Variants in ARHGAP15 observed in about 807,000 individuals in gnomAD.
ARHGAP15 encodes the protein rho GTPase-activating protein 15.
Under a neutral mutation model 63.7 loss-of-function variants are expected in ARHGAP15, and 51 were observed. The ratio of observed to expected loss-of-function variants is 0.80; its 90% confidence interval spans 0.64 to 1.01. The LOEUF is 1.01. Ranked by LOEUF, ARHGAP15 falls within the 50% of genes least tolerant of loss-of-function variation. The probability of loss-of-function intolerance (pLI) is 0.00; values close to 1 mark genes in which losing one functional copy is unlikely to be tolerated. For missense variants in ARHGAP15, 560 were observed against 564.6 expected, an observed-to-expected ratio of 0.99 and a Z score of 0.08; for synonymous variants, 191 against 193.8, an observed-to-expected ratio of 0.99 and a Z score of 0.12.
At chr2:143,763,712 GTATGTATATGTATGTA>G (rs1328513652) in intron 13 of ARHGAP15, among the ~76,000 whole-genome samples, 396 of 141,580 alleles carry the variant, frequency 2.8e-3, no homozygotes, top group African/African-American at 6.4e-3. Flanking sequence ...ATGTATATGT[GTATGTATATGTATGTA>G]TATGTATATG....
At position 143,326,073 on chromosome 2, in the gene ARHGAP15, A is replaced by C. The variant is rs555727421; in HGVS notation, c.474+75473A>C. On this transcript the variant is annotated intron_variant, in intron 6 of 13. Coordinates refer to ENST00000295095, the MANE Select transcript of ARHGAP15 (RefSeq NM_018460.4). ...GTCTATTTCTAAACTTCCTTGTTTC[A>C]GATTGATCCTAAAATTGCTTACATG... Among the ~76,000 whole-genome samples, 9 of 152,298 alleles carry C rather than the reference A, an allele frequency of 5.9e-5. No homozygotes were observed. The South Asian group carries it at 1.9e-3, about 32-fold the overall frequency.
intron 2 of ARHGAP15, among the ~76,000 whole-genome samples, chr2:143,199,829 T>G (rs1465401107): frequency 6.6e-6 from 1 of 152,068 alleles, no homozygotes; most frequent in East Asian, 1.9e-4. Context: ...TTCCATCCAG[T>G]TACAGCATCA....
At chr2:143,510,586 A>G (rs1693540502) in intron 9 of ARHGAP15, among the ~76,000 whole-genome samples, 1 of 152,182 alleles carries the variant, frequency 6.6e-6, no homozygotes. Flanking sequence ...TCATAAATTC[A>G]TTGAATTCCT....
At chr2:143,448,015 G>C (rs1690227525) in intron 8 of ARHGAP15, among the ~76,000 whole-genome samples, 1 of 152,156 alleles carries the variant, frequency 6.6e-6, no homozygotes. Flanking sequence ...CCAGGGAAGA[G>C]AACATACCTA....
intron 13 of ARHGAP15, among the ~76,000 whole-genome samples, chr2:143,736,243 A>G (rs970078366): frequency 6.6e-6 from 1 of 152,066 alleles, no homozygotes; most frequent in Non-Finnish European, 1.5e-5. Flanking sequence ...ACTAAATACA[A>G]AAAATTAGCC....
At chr2:143,483,282 G>A (rs184654958) in intron 8 of ARHGAP15, among the ~76,000 whole-genome samples, 18 of 152,132 alleles carry the variant, frequency 1.2e-4, no homozygotes, top group East Asian at 7.7e-4. Context: ...AACTCATACC[G>A]TAATTATTTT....
intron 10 of ARHGAP15, among the ~76,000 whole-genome samples, chr2:143,540,741 G>C (rs544694498): frequency 2.1e-4 from 32 of 152,206 alleles, no homozygotes; most frequent in Non-Finnish European, 4.4e-4. Flanking sequence ...TCTGCTGGGA[G>C]ATCAGCTGTT....
Position 143,519,334 on chromosome 2 carries a change from A to C in ARHGAP15, c.895A>C (p.Lys299Gln). 6.2e-7 allele frequency: 1 copy of C among 1,612,992 alleles called. No individual in the cohort carries two copies. Among genetic ancestry groups the C allele is most frequent in the Non-Finnish European group, 8.5e-7 (1 of 1,179,154 alleles). The change falls in exon 10 of 14, where the codon AAG becomes CAG. Residue 299 changes from lysine to glutamine, a missense_variant. Coordinates refer to ENST00000295095, the MANE Select transcript of ARHGAP15 (RefSeq NM_018460.4). ...AAATTCCACAGTTCCGTGGTTTGTA[A>C]AGCAATGCATTGAAGCTGTTGAGAA... ...RENSTVPWFV[K>Q]QCIEAVEKRG...
At chr2:143,602,150 A>C (rs1697794910) in intron 11 of ARHGAP15, among the ~76,000 whole-genome samples, 1 of 152,184 alleles carries the variant, frequency 6.6e-6, no homozygotes, top group South Asian at 2.1e-4. Context: ...GGATATCCAA[A>C]GTAGAGAAAA....
intron 13 of ARHGAP15, among the ~76,000 whole-genome samples, chr2:143,750,084 A>G (rs1208489653): frequency 6.6e-6 from 1 of 152,258 alleles, no homozygotes; most frequent in Non-Finnish European, 1.5e-5. Flanking sequence ...AGTGAGTTCT[A>G]ATCTCCCTTT....
chr2:143,197,451 C>G (rs1691925572), intron 2 of ARHGAP15, among the ~76,000 whole-genome samples: 1 of 151,742 alleles, frequency 6.6e-6, no homozygotes. Flanking sequence ...AGACTTTTTT[C>G]CCTTCAAACT....
chr2:143,342,499 A>T (rs527375419), intron 6 of ARHGAP15, among the ~76,000 whole-genome samples: 25 of 152,204 alleles, frequency 1.6e-4, no homozygotes, highest in Non-Finnish European at 3.1e-4. Flanking sequence ...TTGGCTACTT[A>T]TAGGGTATTC....
chr2:143,201,985 T>G, intron 2 of ARHGAP15, 149 bp from the exon 3 acceptor site: 1 of 675,598 alleles, frequency 1.5e-6, no homozygotes, highest in Non-Finnish European at 2.6e-6. Context: ...TTTATTTAAA[T>G]TAGTCAATGT....
At chr2:143,224,655 G>A (rs149702777) in intron 4 of ARHGAP15, among the ~76,000 whole-genome samples, 105 of 152,202 alleles carry the variant, frequency 6.9e-4, no homozygotes, top group African/African-American at 2.5e-3. Flanking sequence ...CTAATATATT[G>A]AATAAGGGTC....
At chr2:143,163,484 C>A (rs1009215725) in intron 2 of ARHGAP15, among the ~76,000 whole-genome samples, 1 of 151,474 alleles carries the variant, frequency 6.6e-6, no homozygotes, top group African/African-American at 2.4e-5. Flanking sequence ...ATATTTGGAC[C>A]TATTTTTATG....
intron 2 of ARHGAP15, among the ~76,000 whole-genome samples, chr2:143,180,015 G>T (rs1283180452): frequency 6.6e-6 from 1 of 152,170 alleles, no homozygotes; most frequent in Non-Finnish European, 1.5e-5. Context: ...GATGTTGATG[G>T]CTGCTGACTG....
intron 2 of ARHGAP15, among the ~76,000 whole-genome samples, chr2:143,176,606 T>G (rs1381410654): frequency 1.3e-5 from 2 of 152,186 alleles, no homozygotes; most frequent in Admixed American, 1.3e-4. Flanking sequence ...GCTCAGGTCT[T>G]TTTTGGTTGT....
chr2:143,168,992 A>G (rs1336511812), intron 2 of ARHGAP15, among the ~76,000 whole-genome samples: 1 of 152,056 alleles, frequency 6.6e-6, no homozygotes, highest in Non-Finnish European at 1.5e-5. Flanking sequence ...GCCTTAATGG[A>G]TAGAGAAGCA....
chr2:143,752,305 A>C (rs939462733), intron 13 of ARHGAP15, among the ~76,000 whole-genome samples: 3 of 152,208 alleles, frequency 2.0e-5, no homozygotes. Flanking sequence ...TTTCTGTAGA[A>C]TATCAACGAT....
Sources: gnomAD v4.1 joint callset for allele counts (sites outside exome capture counted in the v4.1 genomes callset) on GRCh38, gnomAD v4.1.1 for gene constraint, MANE v1.5 for transcripts, NCBI Gene and HGNC (gene_info 2026-07-23, HGNC 2026-07-21) for gene names.